Variants in GLDC observed in about 807,000 individuals in gnomAD.
GLDC encodes the protein glycine dehydrogenase (decarboxylating), mitochondrial.
GLDC carries 104 observed loss-of-function variants against 121.3 expected under a neutral mutation model. The observed-to-expected ratio is 0.86, with a 90% CI of 0.73 to 1.01. GLDC has a LOEUF of 1.01. GLDC is among the 50% of genes least tolerant of loss of function. The pLI, the probability that GLDC is intolerant of heterozygous loss-of-function variation, is 0.00. For synonymous variants in GLDC, 546 were observed against 480.6 expected (o/e 1.14, Z -1.78); for missense variants, 1,429 against 1,306.6 (o/e 1.09, Z -1.44).
intron 8 of GLDC, among the ~76,000 whole-genome samples, chr9:6,599,235 G>A (rs1025608204): frequency 2.0e-5 from 3 of 151,580 alleles, no homozygotes; most frequent in Non-Finnish European, 2.9e-5. Context: ...ACTGCAGACA[G>A]CCCAAATTCA....
chr9:6,551,270 G>A (rs1212354133), intron 20 of GLDC, among the ~76,000 whole-genome samples: 2 of 152,138 alleles, frequency 1.3e-5, no homozygotes, highest in African/African-American at 2.4e-5. Flanking sequence ...GAATTTGAGA[G>A]GTCTTGATAA....
At chr9:6,627,677 A>G (rs1170735763) in intron 2 of GLDC, among the ~76,000 whole-genome samples, 1 of 152,184 alleles carries the variant, frequency 6.6e-6, no homozygotes, top group African/African-American at 2.4e-5. Flanking sequence ...ATTGCCCAAC[A>G]CTACAAAACT....
chr9:6,586,199 GC>G (rs1400983333), intron 15 of GLDC, among the ~76,000 whole-genome samples: 3 of 152,094 alleles, frequency 2.0e-5, no homozygotes, highest in Admixed American at 1.3e-4. Flanking sequence ...GGAGGCTGAG[GC>G]AGGAGAATCT....
At chr9:6,644,497 A>G in intron 2 of GLDC, 117 bp downstream of exon 2, 1 of 749,294 alleles carries the variant, frequency 1.3e-6, no homozygotes, top group East Asian at 2.6e-5. Flanking sequence ...GTTTTATTTT[A>G]ATCCACACAT....
intron 3 of GLDC, among the ~76,000 whole-genome samples, chr9:6,613,949 G>C (rs1818914571): frequency 1.3e-5 from 2 of 151,986 alleles, no homozygotes; most frequent in Non-Finnish European, 2.9e-5. Context: ...GCTAAATTTT[G>C]TATTTTTAGT....
Position 6,536,051 on chromosome 9 carries a change from A to AG in GLDC, c.2838+12dup. On this transcript the variant is annotated intron_variant, in intron 23 of 24. Coordinates refer to ENST00000321612, the MANE Select transcript of GLDC (RefSeq NM_000170.3). ...TAAGGAACATTTCAAGCAATGTTCCAGGGCCTACGCACCTTCAGCGGATTG... is the reference window on the plus strand; with the variant it reads ...TAAGGAACATTTCAAGCAATGTTCCAGGGGCCTACGCACCTTCAGCGGATTG... The AG allele has an allele frequency of 6.2e-7, 1 of 1,608,738 alleles. No homozygotes were observed. Among genetic ancestry groups the AG allele is most frequent in the Non-Finnish European group, 8.5e-7 (1 of 1,176,026 alleles).
At chr9:6,611,094 T>G (rs1263558860) in intron 3 of GLDC, among the ~76,000 whole-genome samples, 1 of 152,246 alleles carries the variant, frequency 6.6e-6, no homozygotes, top group Non-Finnish European at 1.5e-5. Context: ...AATAGAGGTC[T>G]ACTTAAGAAT....
intron 20 of GLDC, among the ~76,000 whole-genome samples, chr9:6,553,144 C>A (rs1174233378): frequency 6.6e-6 from 1 of 152,176 alleles, no homozygotes; most frequent in African/African-American, 2.4e-5. Flanking sequence ...TAAACCCACT[C>A]TGAGAACCCA....
intron 22 of GLDC, among the ~76,000 whole-genome samples, chr9:6,537,812 T>G (rs999210300): frequency 6.6e-6 from 1 of 151,942 alleles, no homozygotes; most frequent in East Asian, 1.9e-4. Flanking sequence ...TCCAGATGAG[T>G]TGAAAGGACT....
At chr9:6,614,714 A>C (rs1335346518) in intron 3 of GLDC, among the ~76,000 whole-genome samples, 1 of 152,112 alleles carries the variant, frequency 6.6e-6, no homozygotes, top group Non-Finnish European at 1.5e-5. Context: ...TTCTACAGTC[A>C]TGCATGGCTT....
chr9:6,606,870 C>T (rs1473836047), intron 4 of GLDC, among the ~76,000 whole-genome samples: 3 of 151,866 alleles, frequency 2.0e-5, no homozygotes, highest in Admixed American at 6.6e-5. Flanking sequence ...GTCAGGAGTT[C>T]GAGACCAGCC....
At chr9:6,558,832 A>C (rs1440254250) in intron 16 of GLDC, 148 bp from the exon 17 acceptor site, 1 of 880,870 alleles carries the variant, frequency 1.1e-6, no homozygotes, top group East Asian at 2.6e-5. Context: ...AATCTGCTAC[A>C]ATTTAATTAT....
chr9:6,624,543 G>A (rs999347027), intron 2 of GLDC, among the ~76,000 whole-genome samples: 8 of 152,148 alleles, frequency 5.3e-5, no homozygotes, highest in Non-Finnish European at 1.2e-4. Context: ...TCTGACTACG[G>A]AACTGGGAGT....
At chr9:6,611,926 T>TGGAC (rs1341088381) in intron 3 of GLDC, among the ~76,000 whole-genome samples, 1 of 152,058 alleles carries the variant, frequency 6.6e-6, no homozygotes, top group African/African-American at 2.4e-5. Flanking sequence ...TTGGCTGGAG[T>TGGAC]AGTGCCACAT....
At position 6,532,829 on chromosome 9, in the gene GLDC, G is replaced by A. The variant is rs577665662; in HGVS notation, c.*188C>T. 85 of 619,520 alleles carry A rather than the reference G, an allele frequency of 1.4e-4. No homozygotes were observed. Among genetic ancestry groups the A allele is most frequent in the African/African-American group, 1.3e-3 (73 of 55,076 alleles). The allele number at this position is 619,520 out of a possible 1,614,324, so 38.4% of individuals were successfully genotyped here. ...GGAAGCAGAATACCAAAGCAAATCC[G>A]TCTTCCAACCATCAGCTTCGACTCC... On this transcript the variant is annotated 3_prime_UTR_variant, in exon 25 of 25. Coordinates refer to ENST00000321612, the MANE Select transcript of GLDC (RefSeq NM_000170.3).
At position 6,644,692 on chromosome 9, in the gene GLDC, T is replaced by C; in HGVS notation, c.256A>G (p.Ser86Gly). Reference sequence around the variant, plus strand: ...GTCTTCTCGATCAATTCATCAATGCTCTAAAATTAAAACGCAAGGCAGAGG... The same window carrying C: ...GTCTTCTCGATCAATTCATCAATGCCCTAAAATTAAAACGCAAGGCAGAGG... ...REMLQTLGLA[S>G]IDELIEKTVP... Residue 86 changes from serine (S) to glycine (G), a missense_variant and splice_region_variant, in exon 2 of 25, where the codon AGC (serine) becomes GGC (glycine). Coordinates refer to ENST00000321612, the MANE Select transcript of GLDC (RefSeq NM_000170.3). 6.2e-7 allele frequency: 1 copy of C among 1,609,770 alleles called. No individual in the cohort carries two copies. The highest frequency in any genetic ancestry group is 8.5e-7 in the Non-Finnish European group (1 of 1,176,250).
chr9:6,545,934 C>A (rs537167637), intron 21 of GLDC, among the ~76,000 whole-genome samples: 1 of 152,278 alleles, frequency 6.6e-6, no homozygotes, highest in South Asian at 2.1e-4. Context: ...AGCCACCATG[C>A]CCAGCGTACT....
intron 15 of GLDC, among the ~76,000 whole-genome samples, chr9:6,574,266 A>G (rs1263825489): frequency 6.6e-6 from 1 of 152,084 alleles, no homozygotes; most frequent in Non-Finnish European, 1.5e-5. Context: ...TCAGGAGTTC[A>G]AGACCAGCCT....
At chr9:6,565,270 G>A in intron 16 of GLDC, 84 bp downstream of exon 16, 2 of 933,274 alleles carry the variant, frequency 2.1e-6, no homozygotes, top group Middle Eastern at 2.1e-4. Flanking sequence ...AGAAGGCTTG[G>A]AGGGAGTGTC....
Sources: allele counts gnomAD v4.1 joint callset (sites outside exome capture counted in the v4.1 genomes callset), GRCh38; gene constraint gnomAD v4.1.1; transcripts MANE v1.5; gene names NCBI Gene and HGNC (gene_info 2026-07-23, HGNC 2026-07-21).